Variants in RIN2 observed in about 807,000 individuals in gnomAD.
RIN2 encodes Ras and Rab interactor 2, also known as RAB5 interacting protein 2.
In RIN2, 36 loss-of-function variants were observed where a neutral mutation model predicts 78.0. The ratio of observed to expected loss-of-function variants is 0.46; its 90% CI spans 0.35 to 0.61. The LOEUF is 0.61. Ranked by LOEUF, RIN2 falls within the 20% of genes least tolerant of loss-of-function variation. RIN2 has a pLI of 0.00. For missense variants in RIN2, 1,087 were observed against 1,159.7 expected (o/e 0.94, Z 0.91); for synonymous variants, 466 against 466.8 (o/e 1.00, Z 0.02).
intron 7 of RIN2, among the ~76,000 whole-genome samples, chr20:19,968,368 G>C (rs183257609): frequency 6.6e-6 from 1 of 152,258 alleles, no homozygotes; most frequent in Non-Finnish European, 1.5e-5. Context: ...TAAGATGATG[G>C]CTTTTGTTTT....
chr20:19,783,851 G>A (rs182059303), intron 1 of RIN2, among the ~76,000 whole-genome samples: 2 of 152,168 alleles, frequency 1.3e-5, no homozygotes, highest in Non-Finnish European at 2.9e-5. Context: ...TCTGGGAACT[G>A]ATTCCCAGCA....
chr20:19,903,116 A>T (rs2039059983), intron 3 of RIN2, among the ~76,000 whole-genome samples: 2 of 152,206 alleles, frequency 1.3e-5, no homozygotes, highest in Admixed American at 6.5e-5. Context: ...AAATAAAAAT[A>T]AAATAAAATT....
chr20:19,903,325 T>C (rs2039071442), intron 3 of RIN2, among the ~76,000 whole-genome samples: 1 of 152,050 alleles, frequency 6.6e-6, no homozygotes, highest in Non-Finnish European at 1.5e-5. Context: ...GGCCATTTCG[T>C]CGTTTTTGTG....
chr20:19,851,064 G>A (rs958217442), intron 2 of RIN2, among the ~76,000 whole-genome samples: 3 of 149,426 alleles, frequency 2.0e-5, no homozygotes, highest in Non-Finnish European at 4.4e-5. Flanking sequence ...AAGAAAGGAA[G>A]GAAGGAAGGA....
intron 1 of RIN2, among the ~76,000 whole-genome samples, chr20:19,776,697 G>A (rs113872617): frequency 0.017 from 2,626 of 150,710 alleles, 40 homozygotes; most frequent in Non-Finnish European, 0.025. Context: ...ACGCCACTGC[G>A]CTCCAGCCTG....
chr20:19,859,398 G>A (rs1198203114), intron 2 of RIN2, among the ~76,000 whole-genome samples: 7 of 152,190 alleles, frequency 4.6e-5, no homozygotes, highest in Non-Finnish European at 1.0e-4. Flanking sequence ...GCTTCCATCC[G>A]AAGATTGACT....
intron 2 of RIN2, among the ~76,000 whole-genome samples, chr20:19,881,889 G>A (rs16981275): frequency 0.12 from 18,477 of 152,158 alleles, 1,346 homozygotes; most frequent in East Asian, 0.29. Context: ...CTCCATTGCT[G>A]GGCCAAAGAA....
intron 1 of RIN2, among the ~76,000 whole-genome samples, chr20:19,780,344 T>C: frequency 6.6e-6 from 1 of 152,206 alleles, no homozygotes; most frequent in East Asian, 1.9e-4. Context: ...GAAGAAGCAG[T>C]GCCTCTTTAA....
chr20:19,873,522 T>C (rs1248579938), intron 2 of RIN2, among the ~76,000 whole-genome samples: 1 of 152,224 alleles, frequency 6.6e-6, no homozygotes, highest in East Asian at 1.9e-4. Context: ...CACTGTAGCC[T>C]GAAACAGCTA....
intron 2 of RIN2, among the ~76,000 whole-genome samples, chr20:19,803,089 GCAC>G (rs2035297369): frequency 1.3e-5 from 2 of 152,310 alleles, no homozygotes; most frequent in African/African-American, 4.8e-5. Flanking sequence ...AAAAAGGCCA[GCAC>G]TGCCATCTGT....
rs562549794 is a variant in RIN2 at position 19,820,123 on chromosome 20, C to T, written c.-37+20376C>T. On this transcript the variant is annotated intron_variant, in intron 2 of 12. Coordinates refer to ENST00000255006, the MANE Select transcript of RIN2 (RefSeq NM_018993.4). ...CAAAATGTGTCTCTAATATTCTAGG[C>T]GATTTGTTGCCATTTTCACATCAAC... Among the ~76,000 whole-genome samples, 46 of 152,258 alleles carry T rather than the reference C, an allele frequency of 3.0e-4. No individual in the cohort carries two copies. In the East Asian group the frequency reaches 6.8e-3, roughly 22 times the overall value.
intron 9 of RIN2, among the ~76,000 whole-genome samples, chr20:19,983,030 C>A (rs954660929): frequency 2.0e-5 from 3 of 152,186 alleles, no homozygotes; most frequent in African/African-American, 7.2e-5. Context: ...TCAAATTTAA[C>A]CACTCACACT....
intron 6 of RIN2, among the ~76,000 whole-genome samples, chr20:19,962,413 G>A (rs1286901882): frequency 7.9e-5 from 12 of 152,146 alleles, no homozygotes. Flanking sequence ...GTGTTGGTCG[G>A]AAGCCACTTC....
chr20:19,910,606 T>C (rs1179494421), intron 3 of RIN2, among the ~76,000 whole-genome samples: 3 of 149,700 alleles, frequency 2.0e-5, no homozygotes, highest in Non-Finnish European at 4.4e-5. Flanking sequence ...TCTCACTCTG[T>C]CACCCAGAAT....
intron 2 of RIN2, among the ~76,000 whole-genome samples, chr20:19,813,597 C>T (rs1600517944): frequency 9.2e-6 from 1 of 108,868 alleles, no homozygotes; most frequent in South Asian, 3.6e-4. Flanking sequence ...TGAAGTAAAA[C>T]ACAATAAAAA....
intron 2 of RIN2, among the ~76,000 whole-genome samples, chr20:19,849,315 T>C (rs2036883849): frequency 6.6e-6 from 1 of 152,148 alleles, no homozygotes; most frequent in African/African-American, 2.4e-5. Context: ...TCAAGACACT[T>C]GCTCAGGCCT....
At chr20:19,806,491 C>G (rs115497293) in intron 2 of RIN2, among the ~76,000 whole-genome samples, 197 of 152,284 alleles carry the variant, frequency 1.3e-3, no homozygotes, top group African/African-American at 4.5e-3. Flanking sequence ...ACCCATTTTT[C>G]CAGGGAAGGA....
At chr20:19,840,000 A>G (rs559246741) in intron 2 of RIN2, among the ~76,000 whole-genome samples, 35 of 152,222 alleles carry the variant, frequency 2.3e-4, no homozygotes, top group Non-Finnish European at 4.7e-4. Flanking sequence ...TTTGAGGACA[A>G]TTGCCTAAAA....
chr20:19,953,071 A>G (rs2041387170), intron 4 of RIN2, among the ~76,000 whole-genome samples: 1 of 152,210 alleles, frequency 6.6e-6, no homozygotes, highest in South Asian at 2.1e-4. Flanking sequence ...GCAGGCTCTC[A>G]AGTTTGACAA....
Sources: gnomAD v4.1 joint callset for allele counts (sites outside exome capture counted in the v4.1 genomes callset) on GRCh38, gnomAD v4.1.1 for gene constraint, MANE v1.5 for transcripts, NCBI Gene and HGNC (gene_info 2026-07-23, HGNC 2026-07-21) for gene names.